The following UGT1A6 variants were observed in gnomAD, a reference collection of about 807,000 sequenced individuals.
UGT1A6 encodes the protein UDP-glucuronosyltransferase 1A6.
A neutral mutation model predicts 44.4 loss-of-function variants in UGT1A6; 32 were observed. The observed-to-expected ratio is 0.72, with a 90% CI of 0.54 to 0.97. The LOEUF (loss-of-function observed/expected upper bound fraction) is 0.97. Among genes scored for constraint, UGT1A6 ranks in the 50% least tolerant of loss-of-function variants. The pLI is 0.00. For synonymous variants in UGT1A6, 238 were observed against 248.5 expected (o/e 0.96, Z 0.40); for missense variants, 685 against 661.9 (o/e 1.03, Z -0.38).
At chr2:233,731,500 G>A (rs2078170361) in intron 1 of UGT1A6, among the ~76,000 whole-genome samples, 1 of 152,036 alleles carries the variant, frequency 6.6e-6, no homozygotes. Context: ...TGTTCTTGCT[G>A]TTCAGTTCCC....
At chr2:233,731,784 G>T (rs186887277) in intron 1 of UGT1A6, among the ~76,000 whole-genome samples, 1 of 152,042 alleles carries the variant, frequency 6.6e-6, no homozygotes, top group Non-Finnish European at 1.5e-5. Context: ...ATTTATAATC[G>T]TTTGGGTATA....
intron 1 of UGT1A6, among the ~76,000 whole-genome samples, chr2:233,717,018 C>T (rs1456974682): frequency 6.6e-6 from 1 of 152,192 alleles, no homozygotes; most frequent in Admixed American, 6.5e-5. Context: ...TCTGAAGGCA[C>T]CACCATCTTC....
chr2:233,695,461 T>C (rs558801774), intron 1 of UGT1A6, among the ~76,000 whole-genome samples: 16 of 152,020 alleles, frequency 1.1e-4, no homozygotes, highest in African/African-American at 3.4e-4. Flanking sequence ...ACGTGCTTTA[T>C]TGGCCCTTTA....
intron 1 of UGT1A6, among the ~76,000 whole-genome samples, chr2:233,737,675 A>G (rs527390262): frequency 2.6e-4 from 40 of 152,110 alleles, no homozygotes; most frequent in Middle Eastern, 6.8e-3. Flanking sequence ...AGCTGTTCCT[A>G]TTTGGCCATT....
At chr2:233,770,350 T>C (rs1700063045) in intron 4 of UGT1A6, 1 of 152,104 alleles carries the variant, frequency 6.6e-6, no homozygotes, top group Non-Finnish European at 1.5e-5. Flanking sequence ...CAATTACTAT[T>C]GAATGAATGA....
chr2:233,736,858 C>G (rs2078820819), intron 1 of UGT1A6, among the ~76,000 whole-genome samples: 1 of 152,192 alleles, frequency 6.6e-6, no homozygotes, highest in South Asian at 2.1e-4. Flanking sequence ...GGCTGCAGAA[C>G]AGCAAATATT....
chr2:233,756,450 A>G (rs1426774092), intron 1 of UGT1A6: 1 of 152,082 alleles, frequency 6.6e-6, no homozygotes. Flanking sequence ...TTCCCCCCAA[A>G]TATTTTCAAT....
chr2:233,770,096 C>T (rs1250263322), intron 4 of UGT1A6: 2 of 152,608 alleles, frequency 1.3e-5, no homozygotes, highest in African/African-American at 4.8e-5. Flanking sequence ...GTATAGATAA[C>T]TACTTGTAAC....
intron 1 of UGT1A6, among the ~76,000 whole-genome samples, chr2:233,704,424 T>C (rs536183058): frequency 6.6e-6 from 1 of 152,286 alleles, no homozygotes; most frequent in South Asian, 2.1e-4. Flanking sequence ...CCAACTTAAT[T>C]CCAGTTAAAT....
In UGT1A6 at chr2:233,729,271, C is replaced by T. The variant is rs45595237; in HGVS notation, c.861+35406C>T. ...CTGGCTCAGCATGCGGGAGGTCTTGCGGGAGCTCCATGCCAGAGGCCACCA... is the reference window on the plus strand; with the variant it reads ...CTGGCTCAGCATGCGGGAGGTCTTGTGGGAGCTCCATGCCAGAGGCCACCA... On this transcript the variant is annotated intron_variant, in intron 1 of 4. Transcript: ENST00000305139. The T allele has an allele frequency of 1.2e-3, 1,887 of 1,614,166 alleles. 14 individuals are homozygous for T. The African/African-American group carries it at 0.018, about 15-fold the overall frequency.
At chr2:233,697,058 G>T (rs1287604858) in intron 1 of UGT1A6, among the ~76,000 whole-genome samples, 1 of 151,826 alleles carries the variant, frequency 6.6e-6, no homozygotes, top group Non-Finnish European at 1.5e-5. Context: ...TTGTGTCCTT[G>T]TCTGGTTTTG....
chr2:233,772,155 C>T, intron 4 of UGT1A6, 107 bp from the exon 5 acceptor site: 1 of 1,559,740 alleles, frequency 6.4e-7, no homozygotes, highest in Non-Finnish European at 8.7e-7. Context: ...GGTTTCCTTT[C>T]CCAAGTTTGG....
Position 233,713,371 on chromosome 2 carries a change from C to G in UGT1A6, c.861+19506C>G, listed in dbSNP as rs949322705. The G allele has an allele frequency of 5.3e-5, 85 of 1,613,982 alleles. No individual in the cohort carries two copies. The highest frequency in any genetic ancestry group is 6.7e-5 in the Non-Finnish European group (79 of 1,180,022). ...AATATGTCTTTGATCATACATAGGT[C>G]TTGTGTGGAGCTACTGCATAATGAG... is the stretch of plus-strand genomic sequence containing the variant. On this transcript the variant is annotated intron_variant, in intron 1 of 4. Coordinates refer to ENST00000305139, the MANE Select transcript of UGT1A6 (RefSeq NM_001072.4).
chr2:233,741,695 G>A (rs565346181), intron 1 of UGT1A6: 1 of 152,016 alleles, frequency 6.6e-6, no homozygotes, highest in East Asian at 1.9e-4. Flanking sequence ...ATTACATGCA[G>A]AGTGGACTCT....
chr2:233,760,243 T>TAC (rs1697369137), intron 1 of UGT1A6: 1 of 1,608,014 alleles, frequency 6.2e-7, no homozygotes, highest in African/African-American at 1.3e-5. Flanking sequence ...CATATATATA[T>TAC]ATATAAGTAG....
chr2:233,725,911 A>G (rs1258328024), intron 1 of UGT1A6, among the ~76,000 whole-genome samples: 2 of 152,166 alleles, frequency 1.3e-5, no homozygotes. Flanking sequence ...CACACCTGCA[A>G]TTTCAGCCCT....
At chr2:233,740,454 A>T (rs1319736893) in intron 1 of UGT1A6, among the ~76,000 whole-genome samples, 4 of 151,980 alleles carry the variant, frequency 2.6e-5, no homozygotes, top group Admixed American at 2.0e-4. Flanking sequence ...GAGGAGAAGA[A>T]GATGATGGAC....
At chr2:233,767,781 T>A in intron 2 of UGT1A6, 68 bp from the exon 3 acceptor site, 1 of 1,613,388 alleles carries the variant, frequency 6.2e-7, no homozygotes, top group South Asian at 1.1e-5. Flanking sequence ...TTCTAGTTAG[T>A]ATAGCAGATT....
chr2:233,719,162 G>T (rs1279561037), intron 1 of UGT1A6: 6 of 1,614,136 alleles, frequency 3.7e-6, no homozygotes, highest in Non-Finnish European at 4.2e-6. Context: ...CTAGAAGTAT[G>T]GCAATTATGA....
Sources: allele counts gnomAD v4.1 joint callset (sites outside exome capture counted in the v4.1 genomes callset), GRCh38; gene constraint gnomAD v4.1.1; transcripts MANE v1.5; gene names NCBI Gene and HGNC (gene_info 2026-07-23, HGNC 2026-07-21).